RPS29: variants seen among roughly 807,000 people sequenced by gnomAD.
The protein encoded by RPS29 is small ribosomal subunit protein uS14.
For synonymous variants in RPS29, 37 were observed against 26.9 expected (o/e 1.37, Z -1.16); for missense variants, 60 against 75.7 (o/e 0.79, Z 0.77).
chr14:49,593,350 G>C (rs1881755041), intron 1 of RPS29, among the ~76,000 whole-genome samples: 1 of 152,120 alleles, frequency 6.6e-6, no homozygotes, highest in African/African-American at 2.4e-5. Context: ...TAATCATATA[G>C]CAATATTTTG....
chr14:49,589,494 C>T (rs981254222), upstream of RPS29, among the ~76,000 whole-genome samples: 13 of 152,120 alleles, frequency 8.5e-5, no homozygotes, highest in African/African-American at 3.1e-4. Context: ...CTTTAATTTT[C>T]TTTCTCAAAT....
chr14:49,597,077 C>T (rs1436112528), intron 1 of RPS29, among the ~76,000 whole-genome samples: 3 of 151,886 alleles, frequency 2.0e-5, no homozygotes, highest in Non-Finnish European at 2.9e-5. Flanking sequence ...AACACTCTGT[C>T]TAATTTTTGT....
chr14:49,581,968 G>A (rs552809840), downstream of RPS29, among the ~76,000 whole-genome samples: 4 of 140,486 alleles, frequency 2.8e-5, no homozygotes, highest in South Asian at 2.2e-4. Context: ...GCTGCAGTGC[G>A]CCACTGCACT....
chr14:49,585,583 T>TAAAAA (rs71441227), intron 2 of RPS29: 32 of 286,762 alleles, frequency 1.1e-4, no homozygotes, highest in South Asian at 3.8e-4. Flanking sequence ...ACCCTATCTC[T>TAAAAA]AAAAAAAAAA....
At chr14:49,589,021 A>T (rs1245681576), upstream of RPS29, among the ~76,000 whole-genome samples, 1 of 151,022 alleles carries the variant, frequency 6.6e-6, no homozygotes, top group Non-Finnish European at 1.5e-5. Context: ...CCTCCCGAGT[A>T]GCTGGGACTA....
chr14:49,585,432 C>G (rs1018993863), intron 2 of RPS29: 1 of 163,536 alleles, frequency 6.1e-6, no homozygotes, highest in Non-Finnish European at 1.3e-5. Context: ...TATCTAGGTA[C>G]AGCCGCGCGT....
intron 1 of RPS29, among the ~76,000 whole-genome samples, chr14:49,594,425 G>C (rs1881778220): frequency 6.6e-6 from 1 of 152,158 alleles, no homozygotes; most frequent in Non-Finnish European, 1.5e-5. Context: ...CAACAGCTCT[G>C]TAGCAAAGTA....
rs1594579685 is a variant in RPS29, at chr14:49,596,512, C to A, written c.-133+1888G>T. On this transcript the variant is annotated intron_variant, in intron 1 of 3. Coordinates refer to the RPS29 transcript ENST00000556230. The stretch of plus-strand genomic sequence containing the variant: ...GAGTGTCACATCCAAGTATTTAAAC[C>A]ATTAAATTTGGGTGGACAAAGGGGA... Among the ~76,000 whole-genome samples, 4 of 152,140 alleles carry A rather than the reference C, an allele frequency of 2.6e-5. No individual in the cohort carries two copies. In the South Asian group the frequency reaches 6.2e-4, roughly 24 times the overall value.
chr14:49,596,918 CT>C (rs11294951), intron 1 of RPS29, among the ~76,000 whole-genome samples: 19,965 of 121,764 alleles, frequency 0.16, 1,438 homozygotes, highest in Admixed American at 0.23. Flanking sequence ...TTTTCTTCTT[CT>C]TTTTTTTTTT....
In RPS29 at chr14:49,598,355, C is replaced by G. The variant is rs995753239; in HGVS notation, c.-133+45G>C. On this transcript the variant is annotated intron_variant, in intron 1 of 3. Transcript: ENST00000556230. ...GCCTTGTGCGGTCTGGACGGTCTTT[C>G]CACGTCTCAGGTGCAGTTAAGCCAG... is the stretch of plus-strand genomic sequence containing the variant. 4 of 647,846 alleles carry G rather than the reference C, an allele frequency of 6.2e-6. No homozygotes were observed. In the Admixed American group the frequency reaches 6.8e-5, roughly 11 times the overall value. The allele number at this position is 647,846 out of a possible 1,614,324, so 40.1% of individuals were successfully genotyped here. A position where few individuals can be genotyped will look rare whatever the true frequency, so the allele number is the denominator to read the frequency against.
upstream of RPS29, chr14:49,586,916 G>C (rs1361184598): frequency 1.9e-5 from 3 of 155,368 alleles, no homozygotes; most frequent in Admixed American, 6.2e-5. Flanking sequence ...ACTCTCAAGA[G>C]ATGAATATTC....
chr14:49,584,663 C>T (rs1881455145), intron 2 of RPS29, among the ~76,000 whole-genome samples: 1 of 147,426 alleles, frequency 6.8e-6, no homozygotes, highest in South Asian at 2.2e-4. Context: ...ACTAGGGAGG[C>T]TGAGACAGGA....
intron 2 of RPS29, among the ~76,000 whole-genome samples, chr14:49,584,832 GGTGATTTTTA>G (rs1416022221): frequency 6.6e-6 from 1 of 151,670 alleles, no homozygotes; most frequent in Non-Finnish European, 1.5e-5. Context: ...TCAGAAAGCT[GGTGATTTTTA>G]TCTCAAAGAG....
At position 49,583,632 on chromosome 14, in the gene RPS29, T is replaced by G. The variant is rs779041854; in HGVS notation, c.*35A>C. ...AGAATTATCATGGTTTTTCATTGAG[T>G]AGATGCCCCGGATAATCCTCTGAAG... On this transcript the variant is annotated 3_prime_UTR_variant, in exon 3 of 3. Transcript: ENST00000245458. The G allele has an allele frequency of 1.3e-5, 20 of 1,579,774 alleles. No homozygotes were observed. In the South Asian group the frequency reaches 2.4e-4, roughly 19 times the overall value.
At chr14:49,595,325 C>T (rs1266869623) in intron 1 of RPS29, among the ~76,000 whole-genome samples, 4 of 152,110 alleles carry the variant, frequency 2.6e-5, no homozygotes, top group Admixed American at 1.3e-4. Context: ...GTGGCTCATA[C>T]CTGTAATCCG....
chr14:49,571,482 C>G (rs1337203367), exon 3 of RPS29: 1 of 152,120 alleles, frequency 6.6e-6, no homozygotes, highest in Non-Finnish European at 1.5e-5. Flanking sequence ...TGGATCACAC[C>G]TGAATTTGGG....
chr14:49,574,486 T>G (rs1459065945), exon 3 of RPS29: 2 of 152,138 alleles, frequency 1.3e-5, no homozygotes, highest in Non-Finnish European at 2.9e-5. Flanking sequence ...ATCAGTGGGA[T>G]CCTGCATTAC....
At chr14:49,579,184 C>T (rs1168905778), downstream of RPS29, among the ~76,000 whole-genome samples, 10 of 152,106 alleles carry the variant, frequency 6.6e-5, no homozygotes, top group African/African-American at 2.4e-4. Flanking sequence ...ATAAAATAAG[C>T]CCAAGAAAGC....
exon 3 of RPS29, chr14:49,577,761 T>C (rs1351242486): frequency 6.9e-7 from 1 of 1,439,194 alleles, no homozygotes; most frequent in East Asian, 2.3e-5. Flanking sequence ...TTTTTGATGA[T>C]CTTGGGCTTC....
Sources: allele counts gnomAD v4.1 joint callset (sites outside exome capture counted in the v4.1 genomes callset), GRCh38; gene constraint gnomAD v4.1.1; transcripts MANE v1.5; gene names NCBI Gene and HGNC (gene_info 2026-07-23, HGNC 2026-07-21).